PCDHA1: variants seen among roughly 807,000 people sequenced by gnomAD.
The protein encoded by PCDHA1 is protocadherin alpha-1.
In PCDHA1, 42 loss-of-function variants were observed where a neutral mutation model predicts 61.3. The ratio of observed to expected loss-of-function variants is 0.69; its 90% CI spans 0.54 to 0.89. PCDHA1 has a LOEUF of 0.89. Among genes scored for constraint, PCDHA1 ranks in the 40% least tolerant of loss-of-function variants. The pLI is 0.00. For missense variants in PCDHA1, 1,256 were observed against 1,235.3 expected (o/e 1.02, Z -0.25); for synonymous variants, 610 against 553.8 (o/e 1.10, Z -1.43).
At chr5:140,995,924 G>A (rs998405229) in intron 3 of PCDHA1, among the ~76,000 whole-genome samples, 16 of 152,308 alleles carry the variant, frequency 1.1e-4, no homozygotes, top group African/African-American at 3.8e-4. Flanking sequence ...ATAGGCTGTT[G>A]TAAGTATTAA....
chr5:140,899,846 C>T (rs1554188760), intron 1 of PCDHA1, among the ~76,000 whole-genome samples: 1 of 152,142 alleles, frequency 6.6e-6, no homozygotes, highest in African/African-American at 2.4e-5. Flanking sequence ...CTTGCTGTGT[C>T]ACCCAGGCTG....
chr5:140,938,293 C>G (rs896897734), intron 1 of PCDHA1, among the ~76,000 whole-genome samples: 1 of 152,110 alleles, frequency 6.6e-6, no homozygotes, highest in African/African-American at 2.4e-5. Flanking sequence ...CTGTCATTGC[C>G]TATGAAATTC....
At chr5:140,808,060 C>T in intron 1 of PCDHA1, 3 of 1,613,672 alleles carry the variant, frequency 1.9e-6, no homozygotes, top group Non-Finnish European at 2.5e-6. Flanking sequence ...ATGTGAAATC[C>T]AAGTTTCACA....
At chr5:140,993,460 T>TCCCACACA (rs1554253699) in intron 3 of PCDHA1, among the ~76,000 whole-genome samples, 2 of 104,506 alleles carry the variant, frequency 1.9e-5, no homozygotes, top group African/African-American at 7.8e-5. Flanking sequence ...CTTCTTTCTT[T>TCCCACACA]CTCACACACA....
chr5:140,843,891 A>G (rs1554140482), intron 1 of PCDHA1: 1 of 685,390 alleles, frequency 1.5e-6, no homozygotes, highest in Non-Finnish European at 2.4e-6. Context: ...TACAGTATTA[A>G]TCATTCTCCA....
chr5:140,869,613 C>T (rs369176341), intron 1 of PCDHA1: 402 of 1,613,826 alleles, frequency 2.5e-4, no homozygotes, highest in Non-Finnish European at 3.3e-4. Context: ...TATTGACCTA[C>T]AGGCTAAGTA....
chr5:140,888,270 G>A (rs965190959), intron 1 of PCDHA1, among the ~76,000 whole-genome samples: 9 of 152,102 alleles, frequency 5.9e-5, no homozygotes. Flanking sequence ...ATAAGAAACA[G>A]TTTTGTCCCC....
Position 140,836,232 on chromosome 5 carries a change from G to T in PCDHA1, c.2394+47548G>T. 4 of 1,613,788 alleles carry T rather than the reference G, an allele frequency of 2.5e-6. No homozygotes were observed. In the South Asian group the frequency reaches 3.3e-5, roughly 13 times the overall value. On this transcript the variant is annotated intron_variant, in intron 1 of 3. Transcript: ENST00000504120. ...GTATGAGTTGCAACCGGTGGCGGCCGGTGCGAGCATCCCGTTCCGCGTGGG... is the reference window on the plus strand; with the variant it reads ...GTATGAGTTGCAACCGGTGGCGGCCTGTGCGAGCATCCCGTTCCGCGTGGG...
At chr5:140,802,412 C>T (rs782538317) in intron 1 of PCDHA1, 8 of 1,614,126 alleles carry the variant, frequency 5.0e-6, no homozygotes, top group African/African-American at 2.7e-5. Context: ...AGAATTACTA[C>T]TCATTGGTGC....
chr5:140,928,697 G>A (rs1554206190), intron 1 of PCDHA1: 1 of 1,614,122 alleles, frequency 6.2e-7, no homozygotes, highest in Non-Finnish European at 8.5e-7. Context: ...CACATCTCCC[G>A]GGCGTCTGAC....
intron 1 of PCDHA1, among the ~76,000 whole-genome samples, chr5:140,832,589 G>A (rs1234557641): frequency 2.6e-5 from 4 of 152,158 alleles, no homozygotes; most frequent in Non-Finnish European, 5.9e-5. Context: ...AGGAAGTAGA[G>A]AACTATAGCG....
rs782619715 is a variant in PCDHA1, at chr5:140,883,236, T to C, written c.2394+94552T>C. 1.2e-5 allele frequency: 20 copies of C among 1,613,888 alleles called. No individual in the cohort carries two copies. Among genetic ancestry groups the C allele is most frequent in the Non-Finnish European group, 1.7e-5 (20 of 1,180,006 alleles). On this transcript the variant is annotated intron_variant, in intron 1 of 3. Coordinates refer to ENST00000504120, the MANE Select transcript of PCDHA1 (RefSeq NM_018900.4). ...TTATATGAAATATCCGTGGAGGCAGTTGACAAAGGAAATATTCCAATGGCG... is the reference window on the plus strand; with the variant it reads ...TTATATGAAATATCCGTGGAGGCAGCTGACAAAGGAAATATTCCAATGGCG...
chr5:140,883,093 A>T (rs1035461317), intron 1 of PCDHA1: 1 of 1,614,146 alleles, frequency 6.2e-7, no homozygotes, highest in Non-Finnish European at 8.5e-7. Flanking sequence ...GTACAAATGG[A>T]GATATAGTTT....
intron 1 of PCDHA1, chr5:140,926,774 A>G: frequency 7.2e-7 from 1 of 1,380,760 alleles, no homozygotes; most frequent in Non-Finnish European, 9.4e-7. Flanking sequence ...AGCCCGCAGC[A>G]GTGACGGCCG....
At chr5:141,008,428 T>C (rs2098376052) in intron 3 of PCDHA1, among the ~76,000 whole-genome samples, 1 of 152,182 alleles carries the variant, frequency 6.6e-6, no homozygotes, top group Admixed American at 6.5e-5. Flanking sequence ...TGGGATCACT[T>C]TGCCCAGACA....
At chr5:140,795,534 A>T (rs1554119476) in intron 1 of PCDHA1, 1 of 1,614,160 alleles carries the variant, frequency 6.2e-7, no homozygotes, top group South Asian at 1.1e-5. Flanking sequence ...AACTAAGCGA[A>T]TCTTTGTCTC....
intron 1 of PCDHA1, chr5:140,796,281 C>T: frequency 6.2e-7 from 1 of 1,614,130 alleles, no homozygotes; most frequent in East Asian, 2.2e-5. Context: ...GGGCCACCAC[C>T]AGCGTGTCCA....
At chr5:140,842,375 C>T (rs1430792130) in intron 1 of PCDHA1, 3 of 1,609,572 alleles carry the variant, frequency 1.9e-6, no homozygotes, top group Non-Finnish European at 2.6e-6. Flanking sequence ...TGAGATAGCA[C>T]TGACTTCCTT....
In PCDHA1 at chr5:140,950,226, T is replaced by A. The variant is rs1478539445; in HGVS notation, c.2395-28723T>A. ...TGTTTACCTAGTCATTTACCATTTC[T>A]AGTGCCATTAATTTGTTCCTAAAGA... On this transcript the variant is annotated intron_variant, in intron 1 of 3. Coordinates refer to ENST00000504120, the MANE Select transcript of PCDHA1 (RefSeq NM_018900.4). 5.9e-5 allele frequency among the ~76,000 whole-genome samples: 9 copies of A among 152,018 alleles called. No homozygotes were observed. The East Asian group carries it at 1.7e-3, about 29-fold the overall frequency.
Sources: allele counts gnomAD v4.1 joint callset (sites outside exome capture counted in the v4.1 genomes callset), GRCh38; gene constraint gnomAD v4.1.1; transcripts MANE v1.5; gene names NCBI Gene and HGNC (gene_info 2026-07-23, HGNC 2026-07-21).